Variants in LPP observed in about 807,000 individuals in gnomAD.
The protein encoded by LPP is lipoma-preferred partner.
Under a neutral mutation model 60.4 loss-of-function variants are expected in LPP, and 38 were observed. The observed-to-expected ratio is 0.63, with a 90% CI of 0.49 to 0.83. LPP has a LOEUF of 0.83. Ranked by LOEUF, LPP falls within the 40% of genes least tolerant of loss-of-function variation. LPP has a pLI of 0.00. For synonymous variants in LPP, 328 were observed against 290.8 expected, an observed-to-expected ratio of 1.13 and a Z score of -1.30; for missense variants, 902 against 783.6, an observed-to-expected ratio of 1.15 and a Z score of -1.80.
intron 3 of LPP, among the ~76,000 whole-genome samples, chr3:188,343,698 TTC>T (rs1243626173): frequency 6.6e-6 from 1 of 152,188 alleles, no homozygotes; most frequent in African/African-American, 2.4e-5. Context: ...AAGAGGAATT[TTC>T]TCTCTTTCTC....
chr3:188,196,275 C>T (rs1345544852), intron 1 of LPP, among the ~76,000 whole-genome samples: 2 of 152,194 alleles, frequency 1.3e-5, no homozygotes, highest in East Asian at 1.9e-4. Context: ...GGCCCACACT[C>T]CTACATGCCT....
At chr3:188,759,249 A>T (rs973661745) in intron 8 of LPP, 3 of 152,226 alleles carry the variant, frequency 2.0e-5, no homozygotes, top group Non-Finnish European at 4.4e-5. Context: ...CTGAAACCTG[A>T]TGTCCATATG....
chr3:188,179,545 A>T, intron 1 of LPP: 1 of 456,478 alleles, frequency 2.2e-6, no homozygotes, highest in Non-Finnish European at 4.4e-6. Context: ...TCGTGCTCTC[A>T]TATTTCCATT....
chr3:188,737,175 C>G (rs1221393251), intron 8 of LPP, among the ~76,000 whole-genome samples: 1 of 152,034 alleles, frequency 6.6e-6, no homozygotes, highest in Non-Finnish European at 1.5e-5. Flanking sequence ...GTATAAAAGA[C>G]TTTTTTATAA....
chr3:188,504,312 T>C lies in LPP; in HGVS notation c.306+19608T>C, dbSNP rs7644908. Among the ~76,000 whole-genome samples, 1,409 of 152,266 alleles carry C rather than the reference T, an allele frequency of 9.3e-3. 27 individuals carry two copies. The highest frequency in any genetic ancestry group is 0.033 in the African/African-American group (1,354 of 41,570). ...TTCTTTTTCTGTATTGATATTCCCA[T>C]TTTATTCATGCATTGTTTTCTTAAC... On this transcript the variant is annotated intron_variant, in intron 5 of 11. Transcript: ENST00000617246.
rs114670786 is a variant in LPP, at chr3:188,735,899, A to G, written c.1241-24214A>G. The stretch of plus-strand genomic sequence containing the variant: ...AGAGTTAGTGGGATTATGATTTATG[A>G]AAGACCTGTGTGGACAAGGTAGTTT... On this transcript the variant is annotated intron_variant, in intron 8 of 11. Transcript: ENST00000617246. Among the ~76,000 whole-genome samples, 1,079 of 152,326 alleles carry G rather than the reference A, an allele frequency of 7.1e-3. 11 individuals are homozygous for G. The highest frequency in any genetic ancestry group is 0.037 in the South Asian group (180 of 4,820).
intron 3 of LPP, among the ~76,000 whole-genome samples, chr3:188,364,384 T>C (rs542106220): frequency 6.6e-6 from 1 of 152,350 alleles, no homozygotes; most frequent in Non-Finnish European, 1.5e-5. Flanking sequence ...TTCGTTCGTT[T>C]TTTAGACAAA....
intron 8 of LPP, among the ~76,000 whole-genome samples, chr3:188,728,986 T>C (rs1036423122): frequency 1.3e-5 from 2 of 152,126 alleles, no homozygotes; most frequent in African/African-American, 2.4e-5. Context: ...TTTTCCCATG[T>C]GATAAATGTT....
intron 6 of LPP, among the ~76,000 whole-genome samples, chr3:188,606,955 C>G (rs1180845792): frequency 6.6e-6 from 1 of 152,134 alleles, no homozygotes; most frequent in African/African-American, 2.4e-5. Context: ...GGCATGCTCT[C>G]TGCTGCAGCT....
Position 188,609,511 on chromosome 3 carries a change from G to A in LPP, c.780G>A (p.Gly260=), listed in dbSNP as rs762673265. ...ACACTCAGCCAGTTCCTGTCTCTGGGCAGTGTCCACCTCCTTCAACACGGG... is the reference window on the plus strand; with the variant it reads ...ACACTCAGCCAGTTCCTGTCTCTGGACAGTGTCCACCTCCTTCAACACGGG... ...GYNTQPVPVS[G]QCPPPSTRGG... Residue 260 remains glycine (G), a synonymous_variant, in exon 7 of 12, where the codon GGG becomes GGA. Coordinates refer to ENST00000617246, the MANE Select transcript of LPP (RefSeq NM_001375462.1). The surrounding 1 kb of genome is among the most constrained non-coding windows in gnomAD (Gnocchi z 6.9). 6.2e-7 allele frequency: 1 copy of A among 1,614,082 alleles called. No homozygotes were observed. The highest frequency in any genetic ancestry group is 8.5e-7 in the Non-Finnish European group (1 of 1,180,020).
chr3:188,764,562 C>A (rs1274043210), intron 9 of LPP, among the ~76,000 whole-genome samples: 2 of 152,116 alleles, frequency 1.3e-5, no homozygotes, highest in Non-Finnish European at 2.9e-5. Flanking sequence ...GAGGTTCATG[C>A]TTTGCTTAAG....
chr3:188,235,172 A>G (rs59684626), intron 2 of LPP, among the ~76,000 whole-genome samples: 4,448 of 152,282 alleles, frequency 0.029, 226 homozygotes, highest in African/African-American at 0.099. Context: ...AGAGCAGAGC[A>G]GGTGGTGCTG....
chr3:188,584,763 T>C (rs56254542), intron 6 of LPP, among the ~76,000 whole-genome samples: 7,143 of 152,048 alleles, frequency 0.047, 185 homozygotes, highest in African/African-American at 0.069. Context: ...TTTGGGTCTT[T>C]TCAATACTTT....
chr3:188,370,271 A>G (rs1196475089), intron 3 of LPP, among the ~76,000 whole-genome samples: 2 of 152,138 alleles, frequency 1.3e-5, no homozygotes, highest in Admixed American at 1.3e-4. Flanking sequence ...GAGTACAGTC[A>G]TTAGTTTCAT....
chr3:188,226,367 G>T (rs1210879215), intron 2 of LPP, among the ~76,000 whole-genome samples: 1 of 152,152 alleles, frequency 6.6e-6, no homozygotes, highest in Non-Finnish European at 1.5e-5. Flanking sequence ...CTTAGGCAAA[G>T]GGTGTGAGCC....
At chr3:188,568,578 A>C (rs1053345552) in intron 6 of LPP, 1 of 151,938 alleles carries the variant, frequency 6.6e-6, no homozygotes, top group Non-Finnish European at 1.5e-5. Context: ...CAGGGTCAGC[A>C]GAGGGTACTC....
At chr3:188,547,689 C>G (rs898175784) in intron 6 of LPP, among the ~76,000 whole-genome samples, 8 of 152,080 alleles carry the variant, frequency 5.3e-5, no homozygotes, top group African/African-American at 1.9e-4. Context: ...TTAATTTTTA[C>G]AAAAATAAAA....
intron 1 of LPP, among the ~76,000 whole-genome samples, chr3:188,224,911 C>T (rs1266306941): frequency 1.3e-5 from 2 of 152,118 alleles, no homozygotes; most frequent in Non-Finnish European, 2.9e-5. Context: ...AGAGGGGACA[C>T]ATATCCAAAT....
intron 10 of LPP, among the ~76,000 whole-genome samples, chr3:188,866,683 T>C (rs1560314867): frequency 6.6e-6 from 1 of 152,154 alleles, no homozygotes; most frequent in African/African-American, 2.4e-5. Context: ...AGAAACAGGA[T>C]CCTGGCCTAA....
Sources: gnomAD v4.1 joint callset for allele counts (sites outside exome capture counted in the v4.1 genomes callset) on GRCh38, gnomAD v4.1.1 for gene constraint, Gnocchi (gnomAD v3.1) non-coding constraint, MANE v1.5 for transcripts, NCBI Gene and HGNC (gene_info 2026-07-23, HGNC 2026-07-21) for gene names.